The following PTPRT variants were observed in gnomAD, a reference collection of about 807,000 sequenced individuals.
PTPRT encodes the protein receptor-type tyrosine-protein phosphatase T.
PTPRT carries 56 observed loss-of-function variants against 176.8 expected under a neutral mutation model. The ratio of observed to expected loss-of-function variants is 0.32; its 90% CI spans 0.26 to 0.40. The LOEUF is 0.40. Ranked by LOEUF, PTPRT falls within the 10% of genes least tolerant of loss-of-function variation. PTPRT has a pLI of 1.00. For synonymous variants in PTPRT, 783 were observed against 739.0 expected (o/e 1.06, Z -0.96); for missense variants, 1,540 against 1,908.2 (o/e 0.81, Z 3.60).
intron 15 of PTPRT, among the ~76,000 whole-genome samples, chr20:42,227,225 G>A (rs764814057): frequency 3.9e-5 from 6 of 151,954 alleles, no homozygotes; most frequent in Non-Finnish European, 8.8e-5. Flanking sequence ...GGAAAGGGAA[G>A]GGAAAAAGAA....
chr20:42,701,040 C>T (rs945878866), intron 6 of PTPRT, among the ~76,000 whole-genome samples: 1 of 152,096 alleles, frequency 6.6e-6, no homozygotes, highest in Non-Finnish European at 1.5e-5. Flanking sequence ...GCAGACATAA[C>T]ACAACTTGTG....
chr20:42,523,185 C>G (rs539152506), intron 7 of PTPRT, among the ~76,000 whole-genome samples: 1 of 152,238 alleles, frequency 6.6e-6, no homozygotes, highest in South Asian at 2.1e-4. Flanking sequence ...TTTGAGCTTT[C>G]CAGGAAGTAC....
Position 42,161,525 on chromosome 20 carries a change from C to T in PTPRT, c.2509G>A (p.Glu837Lys). ...VNGFTDGSRGELSQPTLTIQT... is the reference protein window; with the variant it reads ...VNGFTDGSRGKLSQPTLTIQT... ...ATCGTGAGGGTGGGCTGGGAAAGCTCCCCGCGGCTGCCATCTGCTTCGAAA... is the reference window on the plus strand; with the variant it reads ...ATCGTGAGGGTGGGCTGGGAAAGCTTCCCGCGGCTGCCATCTGCTTCGAAA... The change falls in exon 17 of 31, where the codon GAG (glutamate) becomes AAG (lysine). Residue 837 changes from glutamate to lysine, a missense_variant. Around this residue, in one of 11 missense-constraint regions of PTPRT, gnomAD observed 255 missense variants for 250.1 expected, o/e 1.02. Coordinates refer to ENST00000373187, the MANE Select transcript of PTPRT (RefSeq NM_007050.6). 1 of 1,609,770 alleles carries T rather than the reference C, an allele frequency of 6.2e-7. No individual in the cohort carries two copies. The highest frequency in any genetic ancestry group is 1.1e-5 in the South Asian group (1 of 90,352).
intron 9 of PTPRT, among the ~76,000 whole-genome samples, chr20:42,380,723 C>T (rs2058691354): frequency 6.6e-6 from 1 of 152,190 alleles, no homozygotes; most frequent in East Asian, 1.9e-4. Context: ...CTCTGAGCTC[C>T]CCGACAGTAG....
At chr20:42,358,216 C>CTTT (rs796348212) in intron 9 of PTPRT, among the ~76,000 whole-genome samples, 1 of 143,822 alleles carries the variant, frequency 7.0e-6, no homozygotes, top group African/African-American at 2.5e-5. Flanking sequence ...AAAACTCTCT[C>CTTT]TTTTTTTTTT....
chr20:42,334,129 A>T (rs934916061), intron 11 of PTPRT, among the ~76,000 whole-genome samples: 51 of 151,954 alleles, frequency 3.4e-4, no homozygotes, highest in African/African-American at 6.8e-4. Flanking sequence ...ACATTTTTTT[A>T]AAAAAAAGTC....
At chr20:42,692,418 C>T (rs1044590701) in intron 6 of PTPRT, among the ~76,000 whole-genome samples, 2 of 152,152 alleles carry the variant, frequency 1.3e-5, no homozygotes, top group African/African-American at 4.8e-5. Context: ...TATAACTCAT[C>T]ATATTAACAA....
chr20:42,335,409 G>A (rs985689816), intron 11 of PTPRT, among the ~76,000 whole-genome samples: 1 of 151,040 alleles, frequency 6.6e-6, no homozygotes, highest in Non-Finnish European at 1.5e-5. Flanking sequence ...GGTAAGCAAT[G>A]CTTCCAACAT....
In PTPRT at chr20:42,472,375, G is replaced by A. The variant is rs139827761; in HGVS notation, c.1341C>T (p.Tyr447=). ...TGAAGGGGCGCAGGCCTCGCAGGGT[G>A]TAGTGGGAGGAGGTCTGGATGACCT... The part of the protein sequence containing the change: ...AEEVIQTSSH[Y]TLRGLRPFMT... Residue 447 remains tyrosine (Y), a synonymous_variant, in exon 8 of 31, where the codon TAC becomes TAT. Transcript: ENST00000373187. The A allele has an allele frequency of 3.8e-4, 617 of 1,614,222 alleles. 4 individuals are homozygous for A. In the African/African-American group the frequency reaches 7.1e-3, roughly 19 times the overall value.
intron 18 of PTPRT, among the ~76,000 whole-genome samples, chr20:42,135,078 C>A (rs1387379473): frequency 6.6e-6 from 1 of 152,204 alleles, no homozygotes; most frequent in Non-Finnish European, 1.5e-5. Flanking sequence ...CACCTGTAGA[C>A]CCAGCCTATC....
At chr20:43,070,703 T>C (rs2011168133) in intron 1 of PTPRT, among the ~76,000 whole-genome samples, 2 of 152,132 alleles carry the variant, frequency 1.3e-5, no homozygotes, top group South Asian at 4.1e-4. Context: ...GAAACCATCA[T>C]TCTCGGCAAA....
chr20:42,400,941 A>T (rs1257726885), intron 9 of PTPRT, among the ~76,000 whole-genome samples: 1 of 151,888 alleles, frequency 6.6e-6, no homozygotes, highest in Non-Finnish European at 1.5e-5. Context: ...GGAAGGAAGG[A>T]AGGAAGGAGG....
intron 14 of PTPRT, among the ~76,000 whole-genome samples, chr20:42,244,447 G>A (rs1293554998): frequency 6.6e-6 from 1 of 152,194 alleles, no homozygotes; most frequent in Non-Finnish European, 1.5e-5. Context: ...AGCAGGGGAG[G>A]AGACAGGGTC....
chr20:42,699,553 T>C (rs1469493889), intron 6 of PTPRT, among the ~76,000 whole-genome samples: 1 of 152,190 alleles, frequency 6.6e-6, no homozygotes, highest in Non-Finnish European at 1.5e-5. Context: ...ATGTGTCATT[T>C]TTAAAAAGCA....
chr20:42,148,285 T>G (rs1046309176), intron 17 of PTPRT, among the ~76,000 whole-genome samples: 19 of 143,798 alleles, frequency 1.3e-4, no homozygotes, highest in Non-Finnish European at 2.6e-4. Flanking sequence ...TTTTTTTTAG[T>G]TCAAAAGATG....
intron 1 of PTPRT, among the ~76,000 whole-genome samples, chr20:43,058,562 G>A (rs578091304): frequency 6.6e-6 from 1 of 152,310 alleles, no homozygotes; most frequent in South Asian, 2.1e-4. Context: ...CTCTGTAACT[G>A]CTCTAATTGC....
intron 1 of PTPRT, among the ~76,000 whole-genome samples, chr20:42,986,705 C>G (rs1983598085): frequency 6.6e-6 from 1 of 152,172 alleles, no homozygotes; most frequent in Non-Finnish European, 1.5e-5. Flanking sequence ...ATGGATTTAT[C>G]TCATTTGAGG....
At chr20:42,595,027 T>C (rs887234713) in intron 7 of PTPRT, among the ~76,000 whole-genome samples, 2 of 152,144 alleles carry the variant, frequency 1.3e-5, no homozygotes, top group African/African-American at 4.8e-5. Context: ...GGACAAGTAA[T>C]GTTGGTCAGA....
intron 9 of PTPRT, among the ~76,000 whole-genome samples, chr20:42,402,752 C>T (rs1391400513): frequency 6.6e-6 from 1 of 151,430 alleles, no homozygotes; most frequent in East Asian, 1.9e-4. Flanking sequence ...TTTGTGAAAA[C>T]ATCTGCTGCT....
Sources: gnomAD v4.1 joint callset for allele counts (sites outside exome capture counted in the v4.1 genomes callset) on GRCh38, gnomAD v4.1.1 for gene constraint, gnomAD v4.1.1 regional missense constraint, MANE v1.5 for transcripts, NCBI Gene and HGNC (gene_info 2026-07-23, HGNC 2026-07-21) for gene names.